GLIPR1L2: variants seen among roughly 807,000 people sequenced by gnomAD.
GLIPR1L2 encodes the protein GLIPR1 like 2, also known as GLIPR1-like protein 2.
In GLIPR1L2, 21 loss-of-function variants were observed where a neutral mutation model predicts 28.4. The ratio of observed to expected loss-of-function variants is 0.74; its 90% confidence interval spans 0.52 to 1.06. The LOEUF (loss-of-function observed/expected upper bound fraction) is 1.06, where lower values mean the gene tolerates loss of function less well. Ranked by LOEUF, GLIPR1L2 falls within the 50% of genes least tolerant of loss-of-function variation. GLIPR1L2 has a pLI of 0.00. For missense variants in GLIPR1L2, 476 were observed against 416.9 expected (o/e 1.14, Z -1.23); for synonymous variants, 145 against 139.3 (o/e 1.04, Z -0.29).
At chr12:75,395,287 A>G (rs1161906974) in intron 1 of GLIPR1L2, among the ~76,000 whole-genome samples, 1 of 152,032 alleles carries the variant, frequency 6.6e-6, no homozygotes, top group Non-Finnish European at 1.5e-5. Context: ...CCACTGGGTT[A>G]TCATGTATAA....
At chr12:75,396,527 A>G (rs1427377109) in intron 1 of GLIPR1L2, among the ~76,000 whole-genome samples, 1 of 152,184 alleles carries the variant, frequency 6.6e-6, no homozygotes, top group Non-Finnish European at 1.5e-5. Flanking sequence ...TAATATTTCT[A>G]TATGTAAAAT....
chr12:75,402,338 A>G (rs1470886383), intron 1 of GLIPR1L2, among the ~76,000 whole-genome samples: 1 of 152,212 alleles, frequency 6.6e-6, no homozygotes, highest in East Asian at 1.9e-4. Context: ...CAAAGAACAG[A>G]TAATTTCCAA....
At chr12:75,397,272 T>A (rs933061202) in intron 1 of GLIPR1L2, among the ~76,000 whole-genome samples, 2 of 152,074 alleles carry the variant, frequency 1.3e-5, no homozygotes, top group Non-Finnish European at 2.9e-5. Context: ...TTTTTTAATT[T>A]GCTCATATTC....
At chr12:75,403,489 T>C (rs1239241823) in intron 1 of GLIPR1L2, among the ~76,000 whole-genome samples, 4 of 152,194 alleles carry the variant, frequency 2.6e-5, no homozygotes, top group Non-Finnish European at 4.4e-5. Flanking sequence ...CTTTTCAGTT[T>C]ACTAACCCCC....
At chr12:75,406,169 C>T (rs1340221201) in intron 1 of GLIPR1L2, among the ~76,000 whole-genome samples, 2 of 151,188 alleles carry the variant, frequency 1.3e-5, no homozygotes, top group African/African-American at 4.9e-5. Context: ...ATTATGTTAC[C>T]CCCATAGTTA....
intron 2 of GLIPR1L2, among the ~76,000 whole-genome samples, chr12:75,412,986 A>C (rs1243327934): frequency 5.7e-4 from 86 of 151,890 alleles, no homozygotes; most frequent in African/African-American, 2.0e-3. Flanking sequence ...AAAATGTGGC[A>C]CATATACACC....
chr12:75,426,683 G>A (rs1299382869), intron 4 of GLIPR1L2, among the ~76,000 whole-genome samples: 1 of 152,186 alleles, frequency 6.6e-6, no homozygotes, highest in Non-Finnish European at 1.5e-5. Flanking sequence ...TTTGGCAATT[G>A]ATGTTCCCAC....
Position 75,410,650 on chromosome 12 carries a change from T to G in GLIPR1L2, c.451T>G (p.Cys151Gly). 6.2e-7 allele frequency: 1 copy of G among 1,609,480 alleles called. No homozygotes were observed. The change falls in exon 2 of 6, where the codon TGC (cysteine) becomes GGC (glycine). Residue 151 changes from cysteine (C) to glycine (G), a missense_variant. Physicochemically the swap from Cys to Gly is radical, Grantham distance 159. Coordinates refer to ENST00000550916, the MANE Select transcript of GLIPR1L2 (RefSeq NM_001270396.2). ...AATGTACAATTTTGAAAATGGCAGT[T>G]GCTCTGGAGACTGTTCTAATTATAT... The part of the protein sequence containing the change: ...KKMYNFENGS[C>G]SGDCSNYIQL...
chr12:75,430,204 T>C (rs2139971100), intron 4 of GLIPR1L2, among the ~76,000 whole-genome samples: 1 of 152,256 alleles, frequency 6.6e-6, no homozygotes, highest in African/African-American at 2.4e-5. Context: ...TAAAAACTAG[T>C]ATTATCTCAT....
intron 3 of GLIPR1L2, among the ~76,000 whole-genome samples, chr12:75,417,730 A>G (rs1206505802): frequency 1.3e-5 from 2 of 152,146 alleles, no homozygotes; most frequent in African/African-American, 4.8e-5. Flanking sequence ...ATCTACAAAG[A>G]TATCTGTATA....
At chr12:75,406,734 G>A (rs2045804501) in intron 1 of GLIPR1L2, among the ~76,000 whole-genome samples, 1 of 147,708 alleles carries the variant, frequency 6.8e-6, no homozygotes, top group Non-Finnish European at 1.5e-5. Context: ...TTCTAGCCTG[G>A]GCAACAGAGC....
chr12:75,423,879 C>G (rs990193901), intron 4 of GLIPR1L2: 7 of 152,142 alleles, frequency 4.6e-5, no homozygotes, highest in African/African-American at 1.4e-4. Context: ...CATCCATGTC[C>G]CTGAAAAGGA....
intron 1 of GLIPR1L2, among the ~76,000 whole-genome samples, chr12:75,405,274 T>A (rs1356505496): frequency 6.6e-6 from 1 of 152,216 alleles, no homozygotes; most frequent in African/African-American, 2.4e-5. Flanking sequence ...ACTGCCACGA[T>A]TACTGCTTGA....
At position 75,391,194 on chromosome 12, in the gene GLIPR1L2, G is replaced by A; in HGVS notation, c.78G>A (p.Leu26=). 6.2e-7 allele frequency: 1 copy of A among 1,614,216 alleles called. No homozygotes were observed. Among genetic ancestry groups the A allele is most frequent in the African/African-American group, 1.3e-5 (1 of 75,062 alleles). ...LPLAVGGVLK[L]RLCELWLLLL... ...TGGCAGTAGGGGGCGTTTTGAAGCT[G>A]CGGCTCTGTGAGCTGTGGCTACTGC... Residue 26 remains leucine, a synonymous_variant, in exon 1 of 6, where the codon CTG becomes CTA. Coordinates refer to ENST00000550916, the MANE Select transcript of GLIPR1L2 (RefSeq NM_001270396.2).
At chr12:75,416,921 A>T (rs1051059932) in intron 3 of GLIPR1L2, among the ~76,000 whole-genome samples, 12 of 152,144 alleles carry the variant, frequency 7.9e-5, no homozygotes, top group African/African-American at 2.9e-4. Context: ...CAATCACATT[A>T]TCTCTCTTAA....
intron 1 of GLIPR1L2, among the ~76,000 whole-genome samples, chr12:75,397,897 G>T (rs1169949124): frequency 6.6e-6 from 1 of 152,014 alleles, no homozygotes; most frequent in African/African-American, 2.4e-5. Context: ...TATATTGTTG[G>T]CATTTATATC....
rs1370750425 is a variant in GLIPR1L2, at chr12:75,410,450, T to C, written c.251T>C (p.Leu84Ser). ...ATTTTTCAGACTTGGGATGTAGCTT[T>C]ATCACGGACTGCTAGAGCATGGGGA... ...NLRFMTWDVA[L>S]SRTARAWGKK... is the part of the protein sequence containing the mutation. The change falls in exon 2 of 6, where the codon TTA becomes TCA. Residue 84 changes from leucine to serine, a missense_variant. Leu to Ser is a moderately radical substitution (Grantham distance 145). Coordinates refer to ENST00000550916, the MANE Select transcript of GLIPR1L2 (RefSeq NM_001270396.2). The C allele has an allele frequency of 8.2e-6, 13 of 1,581,340 alleles. No individual in the cohort carries two copies. The highest frequency in any genetic ancestry group is 2.7e-5 in the African/African-American group (2 of 73,758).
intron 1 of GLIPR1L2, among the ~76,000 whole-genome samples, chr12:75,396,567 T>C (rs2045683336): frequency 6.6e-6 from 1 of 152,216 alleles, no homozygotes; most frequent in African/African-American, 2.4e-5. Context: ...TGAATGATAT[T>C]GTTCTCTCTC....
In GLIPR1L2 at chr12:75,432,160, A is replaced by G. The variant is rs2046098251; in HGVS notation, c.*999A>G. Reference sequence around the variant, plus strand: ...TTCCCATGAAAATATTCCTGAACTCAGCACCTTATATGGCAAAATAATAAA... The same window carrying G: ...TTCCCATGAAAATATTCCTGAACTCGGCACCTTATATGGCAAAATAATAAA... On this transcript the variant is annotated 3_prime_UTR_variant, in exon 6 of 6. Coordinates refer to ENST00000550916, the MANE Select transcript of GLIPR1L2 (RefSeq NM_001270396.2). The G allele has an allele frequency of 6.6e-6, 1 of 152,180 alleles. No homozygotes were observed. The highest frequency in any genetic ancestry group is 2.4e-5 in the African/African-American group (1 of 41,468). The allele number at this position is 152,180 out of a possible 1,614,324, so 9.4% of individuals were successfully genotyped here.
Sources: allele counts gnomAD v4.1 joint callset (sites outside exome capture counted in the v4.1 genomes callset), GRCh38; gene constraint gnomAD v4.1.1; transcripts MANE v1.5; gene names NCBI Gene and HGNC (gene_info 2026-07-23, HGNC 2026-07-21).